SHISA9: variants seen among roughly 807,000 people sequenced by gnomAD.
SHISA9 encodes shisa family member 9.
A neutral mutation model predicts 38.0 loss-of-function variants in SHISA9; 13 were observed. The ratio of observed to expected loss-of-function variants is 0.34; its 90% confidence interval spans 0.22 to 0.54. The LOEUF (loss-of-function observed/expected upper bound fraction) is 0.54. SHISA9 is among the 20% of genes least tolerant of loss of function. The probability of loss-of-function intolerance (pLI) is 0.91; values close to 1 mark genes in which losing one functional copy is unlikely to be tolerated. For missense variants in SHISA9, 538 were observed against 575.8 expected, an observed-to-expected ratio of 0.93 and a Z score of 0.67; for synonymous variants, 275 against 242.0, an observed-to-expected ratio of 1.14 and a Z score of -1.27.
At chr16:12,909,549 C>T (rs2071152064) in intron 1 of SHISA9, 1 of 985,384 alleles carries the variant, frequency 1.0e-6, no homozygotes, top group Admixed American at 6.1e-5. Flanking sequence ...CCATTTTCTT[C>T]TTGTTCTTTG....
chr16:12,954,718 T>C (rs2071805108), intron 2 of SHISA9, among the ~76,000 whole-genome samples: 1 of 152,228 alleles, frequency 6.6e-6, no homozygotes, highest in African/African-American at 2.4e-5. Flanking sequence ...ATCATTTTTA[T>C]TTTACAGATT....
chr16:13,455,440 A>G, the SHISA9 span, among the ~76,000 whole-genome samples: 1 of 152,194 alleles, frequency 6.6e-6, no homozygotes, highest in East Asian at 1.9e-4. Context: ...TTATGTAGAA[A>G]CCAGTAAAAA....
At chr16:13,560,013 T>C in the SHISA9 span, among the ~76,000 whole-genome samples, 1 of 152,334 alleles carries the variant, frequency 6.6e-6, no homozygotes, top group African/African-American at 2.4e-5. Flanking sequence ...AATGAAAAGA[T>C]AAACTTGCTT....
At chr16:13,422,764 G>A in the SHISA9 span, among the ~76,000 whole-genome samples, 2 of 152,056 alleles carry the variant, frequency 1.3e-5, no homozygotes, top group Non-Finnish European at 2.9e-5. Context: ...ACAAACAATT[G>A]GGTTAAAAAG....
At chr16:12,931,859 G>C (rs1163117230) in intron 2 of SHISA9, among the ~76,000 whole-genome samples, 1 of 152,182 alleles carries the variant, frequency 6.6e-6, no homozygotes, top group Non-Finnish European at 1.5e-5. Context: ...CAGGGTAAAA[G>C]TAATGATATC....
chr16:13,061,831 G>A (rs1033760357), intron 2 of SHISA9, among the ~76,000 whole-genome samples: 1 of 152,208 alleles, frequency 6.6e-6, no homozygotes, highest in Non-Finnish European at 1.5e-5. Context: ...CTCTGAGGAG[G>A]CAGCATGTAA....
the SHISA9 span, among the ~76,000 whole-genome samples, chr16:13,433,109 A>G: frequency 1.4e-5 from 1 of 73,922 alleles, no homozygotes; most frequent in East Asian, 5.1e-4. Flanking sequence ...GAAAATGAAA[A>G]AAAAAAAGAC....
chr16:13,058,751 TTGTGTGTG>T (rs57415975), intron 2 of SHISA9, among the ~76,000 whole-genome samples: 3 of 144,858 alleles, frequency 2.1e-5, no homozygotes, highest in African/African-American at 5.1e-5. Context: ...TGTGGTGTAT[TTGTGTGTG>T]TGTGTGTGTG....
chr16:13,246,405 C>T, the SHISA9 span: 1 of 152,212 alleles, frequency 6.6e-6, no homozygotes, highest in Non-Finnish European at 1.5e-5. Flanking sequence ...GTCCATTAAA[C>T]CTGTTTTTCT....
chr16:13,390,754 G>T, the SHISA9 span, among the ~76,000 whole-genome samples: 3 of 152,170 alleles, frequency 2.0e-5, no homozygotes, highest in Admixed American at 6.5e-5. Context: ...AGATCAGCAC[G>T]CTGGGTGACA....
chr16:13,046,881 A>G (rs949113616), intron 2 of SHISA9, among the ~76,000 whole-genome samples: 2 of 152,126 alleles, frequency 1.3e-5, no homozygotes, highest in African/African-American at 4.8e-5. Context: ...CTTCAGTAGC[A>G]GCACCATTCC....
At chr16:13,346,909 T>C in the SHISA9 span, among the ~76,000 whole-genome samples, 1 of 152,236 alleles carries the variant, frequency 6.6e-6, no homozygotes, top group East Asian at 1.9e-4. Context: ...TAAATAGTAT[T>C]GTGCTATAAA....
the SHISA9 span, among the ~76,000 whole-genome samples, chr16:13,305,837 T>C: frequency 1.3e-5 from 2 of 152,322 alleles, no homozygotes; most frequent in South Asian, 2.1e-4. Context: ...CAAGTTTGGT[T>C]TGAACATTTT....
At chr16:13,099,437 G>T (rs189410695) in intron 2 of SHISA9, among the ~76,000 whole-genome samples, 108 of 152,272 alleles carry the variant, frequency 7.1e-4, no homozygotes, top group Admixed American at 1.0e-3. Context: ...AAGAATGCTG[G>T]GGAGAGGGTA....
At chr16:12,936,484 A>G (rs2071534757) in intron 2 of SHISA9, among the ~76,000 whole-genome samples, 1 of 152,182 alleles carries the variant, frequency 6.6e-6, no homozygotes, top group East Asian at 1.9e-4. Flanking sequence ...AGGGGAAGAA[A>G]GAGAGAGAGT....
At chr16:12,902,849 C>CGTGTGTGT (rs3974950) in intron 1 of SHISA9, 48 of 493,058 alleles carry the variant, frequency 9.7e-5, no homozygotes, top group Admixed American at 4.4e-4. Flanking sequence ...TGTGTGTGAG[C>CGTGTGTGT]GTGTGTGTGT....
the SHISA9 span, among the ~76,000 whole-genome samples, chr16:13,424,428 C>T: frequency 6.6e-6 from 1 of 152,254 alleles, no homozygotes; most frequent in Non-Finnish European, 1.5e-5. Context: ...CTCCAAACCC[C>T]TAGGCATCAG....
At chr16:13,464,465 C>T in the SHISA9 span, among the ~76,000 whole-genome samples, 1 of 152,322 alleles carries the variant, frequency 6.6e-6, no homozygotes, top group South Asian at 2.1e-4. Flanking sequence ...CCCTATCAGC[C>T]TAAGTGCTCA....
At chr16:13,305,508 C>T in the SHISA9 span, among the ~76,000 whole-genome samples, 2 of 152,142 alleles carry the variant, frequency 1.3e-5, no homozygotes, top group East Asian at 3.9e-4. Context: ...CCTGTCTTCC[C>T]CTGTCTCTCT....
Sources: gnomAD v4.1 joint callset for allele counts (sites outside exome capture counted in the v4.1 genomes callset) on GRCh38, gnomAD v4.1.1 for gene constraint, MANE v1.5 for transcripts, NCBI Gene and HGNC (gene_info 2026-07-23, HGNC 2026-07-21) for gene names.